The following APBB2 variants were observed in gnomAD, a reference collection of about 807,000 sequenced individuals.
The protein encoded by APBB2 is Fe65-like 1.
Under a neutral mutation model 82.5 loss-of-function variants are expected in APBB2, and 38 were observed. That is an observed-to-expected ratio of 0.46 (90% CI 0.36 to 0.60). The LOEUF is 0.60. APBB2 is among the 20% of genes least tolerant of loss of function. The pLI is 0.00. For synonymous variants in APBB2, 341 were observed against 368.2 expected, an observed-to-expected ratio of 0.93 and a Z score of 0.85; for missense variants, 772 against 972.3, an observed-to-expected ratio of 0.79 and a Z score of 2.74.
rs1347709272 is a variant in APBB2, at chr4:41,070,732, TA to T, written c.-148-5060del. On this transcript the variant is annotated intron_variant, in intron 3 of 17. Transcript: ENST00000508593. ...ACCACGTGACATTTTTCTGAACTGT[TA>T]AAAAATAACTTGATCCTGAAAACAT... 3.3e-5 allele frequency among the ~76,000 whole-genome samples: 5 copies of T among 152,268 alleles called. No homozygotes were observed. The East Asian group carries it at 7.7e-4, about 23-fold the overall frequency.
chr4:40,998,163 T>A (rs1216103291), intron 6 of APBB2, among the ~76,000 whole-genome samples: 1 of 152,230 alleles, frequency 6.6e-6, no homozygotes, highest in African/African-American at 2.4e-5. Flanking sequence ...AAAACTTGTA[T>A]CTATCACAGT....
intron 6 of APBB2, among the ~76,000 whole-genome samples, chr4:40,987,000 A>T (rs1423822819): frequency 6.6e-6 from 1 of 152,220 alleles, no homozygotes; most frequent in Non-Finnish European, 1.5e-5. Context: ...TTTAAAATGT[A>T]ATCAATAATT....
At chr4:41,101,624 T>C (rs1225793326) in intron 2 of APBB2, among the ~76,000 whole-genome samples, 1 of 152,066 alleles carries the variant, frequency 6.6e-6, no homozygotes, top group East Asian at 1.9e-4. Flanking sequence ...CATTTTTTCC[T>C]AATGAAACAG....
intron 6 of APBB2, among the ~76,000 whole-genome samples, chr4:40,970,795 T>C (rs1381557542): frequency 6.6e-6 from 1 of 152,056 alleles, no homozygotes; most frequent in Non-Finnish European, 1.5e-5. Context: ...CCTGGCCAGT[T>C]TTAGCACTGC....
rs369528238 is a variant in APBB2, at chr4:40,982,305, G to GGAAAGAAAGAAA, written c.835+31266_835+31277dup. 1.1e-3 allele frequency among the ~76,000 whole-genome samples: 17 copies of GGAAAGAAAGAAA among 14,836 alleles called. 2 individuals are homozygous for GGAAAGAAAGAAA. Among genetic ancestry groups the GGAAAGAAAGAAA allele is most frequent in the South Asian group, 3.0e-3 (1 of 334 alleles). 9.7% of individuals were successfully genotyped at this position (14,836 alleles called of 152,430 possible). ...AAGAAGGAAGGAAGGAAGGAAGGAAGGAAAGAAAGAAAGAAAGAAAAGAAA... is the reference window on the plus strand; with the variant it reads ...AAGAAGGAAGGAAGGAAGGAAGGAAGGAAAGAAAGAAAGAAAGAAAGAAAGAAAGAAAAGAAA... On this transcript the variant is annotated intron_variant, in intron 6 of 17. Coordinates refer to ENST00000508593, the MANE Select transcript of APBB2 (RefSeq NM_004307.2).
At chr4:40,912,943 G>A (rs991540865) in intron 10 of APBB2, among the ~76,000 whole-genome samples, 1 of 152,176 alleles carries the variant, frequency 6.6e-6, no homozygotes, top group African/African-American at 2.4e-5. Flanking sequence ...AGGAGTCTTG[G>A]AAAAGATTGG....
intron 4 of APBB2, among the ~76,000 whole-genome samples, chr4:41,054,854 C>T (rs901462350): frequency 2.0e-5 from 3 of 152,010 alleles, no homozygotes; most frequent in Non-Finnish European, 1.5e-5. Flanking sequence ...GGGGAGAAGC[C>T]TCCTAAATGT....
chr4:41,046,513 T>G, intron 4 of APBB2, among the ~76,000 whole-genome samples: 1 of 152,152 alleles, frequency 6.6e-6, no homozygotes, highest in Admixed American at 6.5e-5. Context: ...AGCCTTAATA[T>G]GCTTAACTGG....
chr4:40,996,257 A>C (rs951213224), intron 6 of APBB2, among the ~76,000 whole-genome samples: 1 of 152,236 alleles, frequency 6.6e-6, no homozygotes, highest in Admixed American at 6.5e-5. Context: ...TTAATATTTA[A>C]GATGAGGAAA....
intron 10 of APBB2, among the ~76,000 whole-genome samples, chr4:40,901,270 A>G (rs1171273014): frequency 6.6e-6 from 1 of 152,220 alleles, no homozygotes; most frequent in Non-Finnish European, 1.5e-5. Flanking sequence ...GCCTGGCCCA[A>G]AGGAAATAGG....
chr4:40,869,420 T>A (rs1162176597), intron 12 of APBB2, among the ~76,000 whole-genome samples: 2 of 151,272 alleles, frequency 1.3e-5, no homozygotes, highest in Non-Finnish European at 2.9e-5. Flanking sequence ...ACCCCATCAA[T>A]ATGATTTTTT....
chr4:41,134,918 T>C (rs1250406029), intron 2 of APBB2, among the ~76,000 whole-genome samples: 2 of 152,196 alleles, frequency 1.3e-5, no homozygotes, highest in African/African-American at 4.8e-5. Context: ...TGATTTGCAC[T>C]GAAGTAACAC....
intron 4 of APBB2, among the ~76,000 whole-genome samples, chr4:41,052,587 A>G (rs1028309067): frequency 8.5e-5 from 13 of 152,152 alleles, no homozygotes; most frequent in African/African-American, 3.1e-4. Context: ...CACACCTAAC[A>G]GTTTCTGTGG....
rs532706918 is a variant in APBB2, at chr4:41,123,165, C to T, written c.-261+19822G>A. Among the ~76,000 whole-genome samples the T allele has an allele frequency of 1.5e-4, 23 of 152,108 alleles. No individual in the cohort carries two copies. In the East Asian group the frequency reaches 3.7e-3, roughly 24 times the overall value. On this transcript the variant is annotated intron_variant, in intron 2 of 17. Transcript: ENST00000508593. Reference sequence around the variant, plus strand: ...TGGTGCTTCTTCCCCCCAGTGCTTACGATCCATCTCCTCCTATGAGAATGT... The same window carrying T: ...TGGTGCTTCTTCCCCCCAGTGCTTATGATCCATCTCCTCCTATGAGAATGT...
At chr4:40,914,728 T>C (rs919972692) in intron 10 of APBB2, among the ~76,000 whole-genome samples, 2 of 152,220 alleles carry the variant, frequency 1.3e-5, no homozygotes, top group Non-Finnish European at 2.9e-5. Flanking sequence ...ACTAATTCAG[T>C]GTTGCTGGTG....
At chr4:41,117,873 G>GTAGA (rs1751560266) in intron 2 of APBB2, among the ~76,000 whole-genome samples, 2 of 152,252 alleles carry the variant, frequency 1.3e-5, no homozygotes, top group Admixed American at 1.3e-4. Context: ...ATGGGATAAA[G>GTAGA]TGGCAAATGA....
At chr4:40,935,055 T>A in intron 8 of APBB2, 22 bp downstream of exon 8, 1 of 1,506,134 alleles carries the variant, frequency 6.6e-7, no homozygotes, top group Non-Finnish European at 8.9e-7. Flanking sequence ...TTAAATGATC[T>A]AAGATCTGAC....
intron 6 of APBB2, among the ~76,000 whole-genome samples, chr4:40,970,334 C>T (rs935154265): frequency 2.0e-5 from 3 of 152,150 alleles, no homozygotes; most frequent in South Asian, 4.1e-4. Flanking sequence ...GACTTCCTTT[C>T]GCATGGCACT....
At chr4:40,925,585 A>C (rs1221986715) in intron 10 of APBB2, among the ~76,000 whole-genome samples, 1 of 152,248 alleles carries the variant, frequency 6.6e-6, no homozygotes, top group Non-Finnish European at 1.5e-5. Context: ...AACAGTGCAA[A>C]TCAAACCCAA....
Sources: gnomAD v4.1 joint callset for allele counts (sites outside exome capture counted in the v4.1 genomes callset) on GRCh38, gnomAD v4.1.1 for gene constraint, MANE v1.5 for transcripts, NCBI Gene and HGNC (gene_info 2026-07-23, HGNC 2026-07-21) for gene names.